Variants in AFG1L observed in about 807,000 individuals in gnomAD.
AFG1L encodes AFG1-like ATPase.
AFG1L carries 53 observed loss-of-function variants against 62.2 expected under a neutral mutation model. The observed-to-expected ratio is 0.85, with a 90% CI of 0.68 to 1.07. The LOEUF (loss-of-function observed/expected upper bound fraction) is 1.07. AFG1L is among the 50% of genes least tolerant of loss of function. AFG1L has a pLI of 0.00. For missense variants in AFG1L, 555 were observed against 590.5 expected (o/e 0.94, Z 0.62); for synonymous variants, 228 against 210.3 (o/e 1.08, Z -0.73).
intron 6 of AFG1L, among the ~76,000 whole-genome samples, chr6:108,371,847 C>T (rs9386723): frequency 0.71 from 107,882 of 152,030 alleles, 41,857 homozygotes; most frequent in Non-Finnish European, 0.88. Flanking sequence ...ACTTTGAATG[C>T]GTGGGCTCAA....
intron 6 of AFG1L, among the ~76,000 whole-genome samples, chr6:108,399,316 T>C (rs898741940): frequency 6.7e-6 from 1 of 149,922 alleles, no homozygotes; most frequent in African/African-American, 2.5e-5. Flanking sequence ...GCCTCCTGAG[T>C]AGCTGGGACA....
intron 5 of AFG1L, among the ~76,000 whole-genome samples, chr6:108,365,412 T>G (rs1163479288): frequency 6.6e-6 from 1 of 152,086 alleles, no homozygotes; most frequent in Admixed American, 6.6e-5. Context: ...TAGTTTCATC[T>G]GTATTATGCA....
chr6:108,311,687 G>T (rs373059014), intron 1 of AFG1L, among the ~76,000 whole-genome samples: 34 of 152,060 alleles, frequency 2.2e-4, no homozygotes, highest in African/African-American at 7.2e-4. Flanking sequence ...GCAGTTAACA[G>T]CATCCATCCA....
chr6:108,518,157 A>G (rs1166351919), intron 11 of AFG1L, among the ~76,000 whole-genome samples: 1 of 152,218 alleles, frequency 6.6e-6, no homozygotes. Flanking sequence ...TACTGGGTAT[A>G]CACCCAAAGG....
chr6:108,474,005 G>C (rs893541306), intron 8 of AFG1L, among the ~76,000 whole-genome samples: 2 of 152,166 alleles, frequency 1.3e-5, no homozygotes, highest in Non-Finnish European at 2.9e-5. Context: ...ACATGCATTA[G>C]CTATTTATCC....
At chr6:108,305,997 G>A (rs1456473985) in intron 1 of AFG1L, among the ~76,000 whole-genome samples, 3 of 152,110 alleles carry the variant, frequency 2.0e-5, no homozygotes, top group Admixed American at 6.6e-5. Context: ...TCTACCTCCC[G>A]GGTTCAAGTG....
At chr6:108,474,008 A>G (rs1346243493) in intron 8 of AFG1L, among the ~76,000 whole-genome samples, 1 of 152,124 alleles carries the variant, frequency 6.6e-6, no homozygotes, top group Admixed American at 6.5e-5. Context: ...TGCATTAGCT[A>G]TTTATCCTGA....
intron 3 of AFG1L, among the ~76,000 whole-genome samples, chr6:108,350,059 T>A (rs1779021963): frequency 1.3e-5 from 2 of 151,426 alleles, no homozygotes; most frequent in Non-Finnish European, 2.9e-5. Context: ...CCGCCTCTAC[T>A]AAAAGTACAA....
intron 6 of AFG1L, among the ~76,000 whole-genome samples, chr6:108,380,158 C>G (rs1780435986): frequency 6.6e-6 from 1 of 151,998 alleles, no homozygotes; most frequent in Non-Finnish European, 1.5e-5. Context: ...GCACCAGGAT[C>G]TCTGTTCAGG....
At chr6:108,445,213 C>T (rs1373975220) in intron 7 of AFG1L, among the ~76,000 whole-genome samples, 3 of 152,216 alleles carry the variant, frequency 2.0e-5, no homozygotes, top group Non-Finnish European at 4.4e-5. Flanking sequence ...TCACCTCTCT[C>T]AACCTTCATA....
Position 108,319,767 on chromosome 6 carries a change from C to G in AFG1L, c.140-4058C>G, listed in dbSNP as rs780980962. 3.0e-4 allele frequency: 130 copies of G among 437,402 alleles called. 1 individual carries two copies. Among genetic ancestry groups the G allele is most frequent in the South Asian group, 2.1e-3 (127 of 61,374 alleles). 27.1% of individuals were successfully genotyped at this position (437,402 alleles called of 1,614,324 possible). On this transcript the variant is annotated intron_variant, in intron 1 of 12. Coordinates refer to ENST00000368977, the MANE Select transcript of AFG1L (RefSeq NM_145315.5). ...GGGACTACAGATGTGTGCCACTCCA[C>G]CCAGCCTCAACTTTAAAAAATTAGG...
chr6:108,487,208 G>A (rs1240269031), intron 10 of AFG1L, among the ~76,000 whole-genome samples: 2 of 152,204 alleles, frequency 1.3e-5, no homozygotes, highest in Admixed American at 6.5e-5. Flanking sequence ...CTCAAATACT[G>A]TTTAGCTGAC....
chr6:108,307,032 G>C (rs1376886417), intron 1 of AFG1L, among the ~76,000 whole-genome samples: 1 of 147,006 alleles, frequency 6.8e-6, no homozygotes, highest in Non-Finnish European at 1.5e-5. Flanking sequence ...TTGAGTTTTT[G>C]AGATGGAGTC....
intron 1 of AFG1L, among the ~76,000 whole-genome samples, chr6:108,313,514 T>G (rs545223152): frequency 5.3e-5 from 8 of 152,268 alleles, no homozygotes; most frequent in Non-Finnish European, 1.0e-4. Flanking sequence ...CTGGCCCAAA[T>G]CATAGACATT....
intron 3 of AFG1L, 46 bp downstream of exon 3, chr6:108,347,085 C>G (rs1778891907): frequency 7.0e-7 from 1 of 1,429,666 alleles, no homozygotes; most frequent in Non-Finnish European, 9.9e-7. Flanking sequence ...CAGAAAGTTT[C>G]TCAGCTTTCT....
intron 10 of AFG1L, among the ~76,000 whole-genome samples, chr6:108,483,193 TGTTA>T (rs1283965948): frequency 3.3e-5 from 5 of 151,300 alleles, no homozygotes; most frequent in Non-Finnish European, 7.4e-5. Context: ...ATGCCATTCT[TGTTA>T]GTTATTTTCA....
intron 6 of AFG1L, among the ~76,000 whole-genome samples, chr6:108,373,177 C>T (rs1032911950): frequency 3.3e-5 from 5 of 151,954 alleles, no homozygotes; most frequent in Non-Finnish European, 7.4e-5. Flanking sequence ...GTTTTTCCAC[C>T]CTTACCCGCT....
intron 3 of AFG1L, among the ~76,000 whole-genome samples, chr6:108,348,698 A>T (rs899316834): frequency 2.1e-4 from 32 of 152,224 alleles, no homozygotes; most frequent in Non-Finnish European, 1.9e-4. Flanking sequence ...GATCAATTTT[A>T]TGTTCCTGCA....
intron 3 of AFG1L, among the ~76,000 whole-genome samples, chr6:108,354,042 G>A (rs1235203902): frequency 6.6e-6 from 1 of 152,160 alleles, no homozygotes; most frequent in Non-Finnish European, 1.5e-5. Flanking sequence ...GTGATCTTGT[G>A]GTGGTGGGAG....
Sources: allele counts gnomAD v4.1 joint callset (sites outside exome capture counted in the v4.1 genomes callset), GRCh38; gene constraint gnomAD v4.1.1; transcripts MANE v1.5; gene names NCBI Gene and HGNC (gene_info 2026-07-23, HGNC 2026-07-21).